WDR93: variants seen among roughly 807,000 people sequenced by gnomAD.
WDR93 encodes the protein WD repeat domain 93.
A neutral mutation model predicts 82.9 loss-of-function variants in WDR93; 73 were observed. The ratio of observed to expected loss-of-function variants is 0.88; its 90% CI spans 0.73 to 1.07. The LOEUF (loss-of-function observed/expected upper bound fraction) is 1.07. Among genes scored for constraint, WDR93 ranks in the 50% least tolerant of loss-of-function variants. The probability of loss-of-function intolerance (pLI) is 0.00; values close to 1 mark genes in which losing one functional copy is unlikely to be tolerated. For missense variants in WDR93, 738 were observed against 826.0 expected (o/e 0.89, Z 1.31); for synonymous variants, 283 against 300.1 (o/e 0.94, Z 0.59).
At chr15:89,698,379 T>C (rs1465686463) in intron 1 of WDR93, among the ~76,000 whole-genome samples, 2 of 152,210 alleles carry the variant, frequency 1.3e-5, no homozygotes, top group Non-Finnish European at 2.9e-5. Context: ...ACAGCATATA[T>C]TGAGTCTTAT....
In WDR93 at chr15:89,725,821, C is replaced by A. The variant is rs183529179; in HGVS notation, c.881-1336C>A. 4.2e-3 allele frequency among the ~76,000 whole-genome samples: 637 copies of A among 152,250 alleles called. 7 individuals are homozygous for A. Among genetic ancestry groups the A allele is most frequent in the African/African-American group, 0.015 (608 of 41,522 alleles). On this transcript the variant is annotated intron_variant, in intron 8 of 16. Transcript: ENST00000268130. ...AAGCGATCCTCCTGCCTTGGCCTTC[C>A]AAAGTGCTGGGATTATAGGCATGAG...
At position 89,743,480 on chromosome 15, in the gene WDR93, G is replaced by C; in HGVS notation, c.*89G>C. 3 of 1,262,584 alleles carry C rather than the reference G, an allele frequency of 2.4e-6. No individual in the cohort carries two copies. The highest frequency in any genetic ancestry group is 3.4e-6 in the Non-Finnish European group (3 of 880,162). The allele number at this position is 1,262,584 out of a possible 1,614,324, so 78.2% of individuals were successfully genotyped here. ...CACTGAGGCCAAGAGAAATGTAACA[G>C]AGCCACAGCTCCACAGGCCTGCACT... On this transcript the variant is annotated 3_prime_UTR_variant, in exon 17 of 17. Transcript: ENST00000268130.
At chr15:89,695,031 G>T (rs1036241015) in intron 1 of WDR93, among the ~76,000 whole-genome samples, 2 of 152,010 alleles carry the variant, frequency 1.3e-5, no homozygotes, top group Non-Finnish European at 2.9e-5. Flanking sequence ...TGATTTCATT[G>T]ATCTGTTTGT....
At chr15:89,738,666 G>C (rs954784066) in intron 16 of WDR93, among the ~76,000 whole-genome samples, 6 of 151,532 alleles carry the variant, frequency 4.0e-5, no homozygotes, top group Non-Finnish European at 8.8e-5. Flanking sequence ...CTAAGTGAAG[G>C]GTTCTACCCC....
chr15:89,705,828 A>G (rs1380221636), intron 4 of WDR93, among the ~76,000 whole-genome samples: 1 of 152,188 alleles, frequency 6.6e-6, no homozygotes, highest in African/African-American at 2.4e-5. Context: ...CCTGTTGTCA[A>G]GAAAAGAAAA....
At chr15:89,734,159 C>T (rs1966976858) in intron 13 of WDR93, among the ~76,000 whole-genome samples, 1 of 152,218 alleles carries the variant, frequency 6.6e-6, no homozygotes. Context: ...CCGCCCCAAA[C>T]ACCTTATTAA....
chr15:89,727,693 G>A (rs1256790029), intron 9 of WDR93, among the ~76,000 whole-genome samples: 1 of 152,142 alleles, frequency 6.6e-6, no homozygotes, highest in African/African-American at 2.4e-5. Context: ...AGAAGAAATA[G>A]ATATCTATGG....
chr15:89,696,267 A>C (rs1000127902), intron 1 of WDR93, among the ~76,000 whole-genome samples: 2 of 152,228 alleles, frequency 1.3e-5, no homozygotes, highest in Admixed American at 6.5e-5. Context: ...TTCACTCATC[A>C]TAATGTCTTT....
intron 1 of WDR93, among the ~76,000 whole-genome samples, chr15:89,692,225 G>A (rs1333952434): frequency 6.6e-6 from 1 of 152,196 alleles, no homozygotes; most frequent in African/African-American, 2.4e-5. Flanking sequence ...TGAAAGCTGA[G>A]AAGGGCTCAT....
chr15:89,722,267 A>AT (rs922952015), intron 8 of WDR93, 128 bp downstream of exon 8: 19 of 778,094 alleles, frequency 2.4e-5, no homozygotes, highest in South Asian at 4.7e-5. Context: ...TGAAGAGGAA[A>AT]TTTTTTTTAA....
intron 7 of WDR93, 64 bp downstream of exon 7, chr15:89,717,013 A>C (rs574833292): frequency 1.1e-4 from 107 of 960,876 alleles, no homozygotes; most frequent in Non-Finnish European, 1.1e-4. Flanking sequence ...TTTTTTAAAA[A>C]TTATTATTTT....
At chr15:89,699,893 T>C (rs1470933404) in intron 1 of WDR93, among the ~76,000 whole-genome samples, 1 of 152,232 alleles carries the variant, frequency 6.6e-6, no homozygotes, top group Non-Finnish European at 1.5e-5. Context: ...CTAATATCTT[T>C]ATTGACTCTG....
chr15:89,715,706 C>A (rs771555168), intron 6 of WDR93, among the ~76,000 whole-genome samples: 8 of 152,240 alleles, frequency 5.3e-5, no homozygotes, highest in African/African-American at 1.7e-4. Context: ...GCCTCAGCCT[C>A]CTGAGTAGCT....
Position 89,729,676 on chromosome 15 carries a change from C to T in WDR93, c.1124-7C>T. On this transcript the variant is annotated splice_polypyrimidine_tract_variant and splice_region_variant and intron_variant, in intron 10 of 16. Coordinates refer to ENST00000268130, the MANE Select transcript of WDR93 (RefSeq NM_020212.2). Reference sequence around the variant, plus strand: ...CATTTTCTGTCTTTCCCCCGCCCCCCCACCAGGAATGGCCTGTGTCCTTGG... The same window carrying T: ...CATTTTCTGTCTTTCCCCCGCCCCCTCACCAGGAATGGCCTGTGTCCTTGG... The T allele has an allele frequency of 6.2e-7, 1 of 1,611,746 alleles. No individual in the cohort carries two copies. The highest frequency in any genetic ancestry group is 2.2e-5 in the East Asian group (1 of 44,860).
At chr15:89,741,155 A>G (rs1406845164) in intron 16 of WDR93, among the ~76,000 whole-genome samples, 1 of 152,158 alleles carries the variant, frequency 6.6e-6, no homozygotes. Context: ...AAATAAATAA[A>G]TAAGTGTTAA....
At chr15:89,732,940 C>T in intron 12 of WDR93, 66 bp from the exon 13 acceptor site, 1 of 1,445,324 alleles carries the variant, frequency 6.9e-7, no homozygotes, top group Non-Finnish European at 9.7e-7. Flanking sequence ...CTGGTCACAG[C>T]CCCTGTGCCC....
At chr15:89,712,426 A>G (rs1330917239) in intron 5 of WDR93, among the ~76,000 whole-genome samples, 2 of 94,790 alleles carry the variant, frequency 2.1e-5, no homozygotes, top group Non-Finnish European at 3.8e-5. Context: ...TTTTGCTCCA[A>G]AGTTCAATCT....
intron 5 of WDR93, among the ~76,000 whole-genome samples, chr15:89,713,177 A>G (rs1450692181): frequency 6.6e-6 from 1 of 151,814 alleles, no homozygotes; most frequent in Non-Finnish European, 1.5e-5. Flanking sequence ...AGAGAATCAA[A>G]GAATTTTTGG....
At chr15:89,717,045 CTTTTTTT>C (rs11457156) in intron 7 of WDR93, 96 bp downstream of exon 7, 37 of 172,108 alleles carry the variant, frequency 2.1e-4, no homozygotes, top group Non-Finnish European at 2.3e-4. Context: ...CTTTTTCTTT[CTTTTTTT>C]TTTTTTTTTT....
Sources: allele counts gnomAD v4.1 joint callset (sites outside exome capture counted in the v4.1 genomes callset), GRCh38; gene constraint gnomAD v4.1.1; transcripts MANE v1.5; gene names NCBI Gene and HGNC (gene_info 2026-07-23, HGNC 2026-07-21).